Variants in ANKRD44 observed in about 807,000 individuals in gnomAD.
ANKRD44 encodes the protein serine/threonine-protein phosphatase 6 regulatory ankyrin repeat subunit B.
Under a neutral mutation model 116.0 loss-of-function variants are expected in ANKRD44, and 35 were observed. The ratio of observed to expected loss-of-function variants is 0.30; its 90% CI spans 0.23 to 0.40. ANKRD44 has a LOEUF of 0.40. Ranked by LOEUF, ANKRD44 falls within the 10% of genes least tolerant of loss-of-function variation. The probability of loss-of-function intolerance (pLI) is 1.00; values close to 1 mark genes in which losing one functional copy is unlikely to be tolerated. For missense variants in ANKRD44, 1,014 were observed against 1,242.6 expected, an observed-to-expected ratio of 0.82 and a Z score of 2.77; for synonymous variants, 435 against 461.8, an observed-to-expected ratio of 0.94 and a Z score of 0.74.
At chr2:197,013,964 A>G (rs1161955977) in intron 17 of ANKRD44, among the ~76,000 whole-genome samples, 1 of 152,260 alleles carries the variant, frequency 6.6e-6, no homozygotes, top group Non-Finnish European at 1.5e-5. Flanking sequence ...TGCTCCAAAG[A>G]CACTGAATGT....
chr2:197,072,063 G>GAAGA (rs1320423167), intron 16 of ANKRD44, among the ~76,000 whole-genome samples: 1 of 137,890 alleles, frequency 7.3e-6, no homozygotes, highest in Non-Finnish European at 1.5e-5. Context: ...AGGAAGGAAG[G>GAAGA]AAGGAAGGAA....
At chr2:197,230,832 C>G (rs1480426918) in intron 1 of ANKRD44, among the ~76,000 whole-genome samples, 1 of 152,116 alleles carries the variant, frequency 6.6e-6, no homozygotes, top group African/African-American at 2.4e-5. Flanking sequence ...GGATCCTCTG[C>G]TAGATCCGGT....
chr2:197,194,670 TGA>T (rs2080904473), intron 1 of ANKRD44, among the ~76,000 whole-genome samples: 1 of 152,190 alleles, frequency 6.6e-6, no homozygotes, highest in Non-Finnish European at 1.5e-5. Flanking sequence ...CTGCCATATA[TGA>T]GATACATTCT....
chr2:197,214,985 C>A (rs1041654001), intron 1 of ANKRD44, among the ~76,000 whole-genome samples: 7 of 152,158 alleles, frequency 4.6e-5, no homozygotes, highest in African/African-American at 1.7e-4. Context: ...TCAAGTGATT[C>A]TCATGCCTCA....
intron 2 of ANKRD44, among the ~76,000 whole-genome samples, chr2:197,157,066 T>G (rs1014894398): frequency 6.6e-6 from 1 of 152,190 alleles, no homozygotes; most frequent in African/African-American, 2.4e-5. Context: ...CTTCGCAAAC[T>G]GTACACTTTA....
chr2:197,043,559 G>A (rs944156978), intron 16 of ANKRD44, among the ~76,000 whole-genome samples: 9 of 151,992 alleles, frequency 5.9e-5, no homozygotes, highest in African/African-American at 2.2e-4. Flanking sequence ...TAAAAATTAT[G>A]GAAAATTAAA....
At chr2:197,008,035 A>C in intron 19 of ANKRD44, 112 bp from the exon 20 acceptor site, 1 of 720,532 alleles carries the variant, frequency 1.4e-6, no homozygotes, top group Non-Finnish European at 2.3e-6. Flanking sequence ...CCTTTTGACA[A>C]TTTCTTAATA....
intron 11 of ANKRD44, 23 bp from the exon 12 acceptor site, chr2:197,088,797 A>C (rs1355996949): frequency 6.2e-7 from 1 of 1,612,366 alleles, no homozygotes; most frequent in Non-Finnish European, 8.5e-7. Flanking sequence ...CGTGCTCATT[A>C]CTAAACAAGG....
At chr2:197,155,029 TTAAAATGATGA>T (rs2079773301) in intron 2 of ANKRD44, among the ~76,000 whole-genome samples, 1 of 152,282 alleles carries the variant, frequency 6.6e-6, no homozygotes, top group African/African-American at 2.4e-5. Context: ...CGCACAAGAA[TTAAAATGATGA>T]TAAAATAAGA....
chr2:197,109,275 CT>C (rs1273626073), intron 9 of ANKRD44, among the ~76,000 whole-genome samples: 3 of 152,208 alleles, frequency 2.0e-5, no homozygotes, highest in African/African-American at 7.2e-5. Flanking sequence ...ACTAGGGTCA[CT>C]CCCCCCGACC....
chr2:197,233,839 G>A (rs2081920783), intron 1 of ANKRD44, among the ~76,000 whole-genome samples: 1 of 152,192 alleles, frequency 6.6e-6, no homozygotes, highest in Non-Finnish European at 1.5e-5. Context: ...ACCATTTGCT[G>A]TATTTTTCCT....
intron 6 of ANKRD44, among the ~76,000 whole-genome samples, chr2:197,124,406 C>T (rs1317002165): frequency 6.6e-6 from 1 of 151,988 alleles, no homozygotes; most frequent in Non-Finnish European, 1.5e-5. Context: ...ATCATAAATC[C>T]CCAAAGACAA....
chr2:197,049,508 A>G (rs1161764529), intron 16 of ANKRD44, among the ~76,000 whole-genome samples: 2 of 152,144 alleles, frequency 1.3e-5, no homozygotes, highest in Non-Finnish European at 2.9e-5. Flanking sequence ...ATCAGACACT[A>G]ATATTTAAGA....
chr2:197,096,270 G>A (rs1336444577), intron 10 of ANKRD44, among the ~76,000 whole-genome samples: 1 of 152,108 alleles, frequency 6.6e-6, no homozygotes, highest in Non-Finnish European at 1.5e-5. Flanking sequence ...TGGCATCATA[G>A]GTACCACTTA....
At chr2:197,280,216 A>G (rs1302270167) in intron 1 of ANKRD44, among the ~76,000 whole-genome samples, 1 of 152,220 alleles carries the variant, frequency 6.6e-6, no homozygotes, top group Non-Finnish European at 1.5e-5. Flanking sequence ...TGTGCAGTCT[A>G]CAGACAGGAA....
chr2:197,160,248 C>A (rs1415558952), intron 2 of ANKRD44, among the ~76,000 whole-genome samples: 1 of 152,150 alleles, frequency 6.6e-6, no homozygotes, highest in East Asian at 1.9e-4. Flanking sequence ...TACCTACATG[C>A]AGGCACAGAT....
intron 16 of ANKRD44, among the ~76,000 whole-genome samples, chr2:197,048,013 C>A (rs946296591): frequency 6.6e-6 from 1 of 151,928 alleles, no homozygotes; most frequent in Non-Finnish European, 1.5e-5. Context: ...AGACAAAAAC[C>A]CACCATACAT....
At chr2:197,068,379 GAAAAA>G (rs1196504516) in intron 16 of ANKRD44, among the ~76,000 whole-genome samples, 6 of 50,940 alleles carry the variant, frequency 1.2e-4, no homozygotes, top group African/African-American at 2.2e-4. Context: ...ATAAAAAAAA[GAAAAA>G]AATAAAAAAA....
Position 196,986,700 on chromosome 2 carries a change from A to G in ANKRD44, c.*2891T>C, listed in dbSNP as rs185175190. On this transcript the variant is annotated 3_prime_UTR_variant, in exon 28 of 28. Transcript: ENST00000282272. ...TGTACCGTTTTTATTTGTAAAAATA[A>G]CCATCTGAATGCATTTCCATAGTAT... The G allele has an allele frequency of 8.6e-5, 84 of 975,094 alleles. No homozygotes were observed. The highest frequency in any genetic ancestry group is 6.8e-4 in the East Asian group (6 of 8,768). 60.4% of individuals were successfully genotyped at this position (975,094 alleles called of 1,614,324 possible).
Sources: gnomAD v4.1 joint callset for allele counts (sites outside exome capture counted in the v4.1 genomes callset) on GRCh38, gnomAD v4.1.1 for gene constraint, MANE v1.5 for transcripts, NCBI Gene and HGNC (gene_info 2026-07-23, HGNC 2026-07-21) for gene names.